Variants in GLIS3 observed in about 807,000 individuals in gnomAD.
GLIS3 encodes the protein zinc finger protein GLIS3.
A neutral mutation model predicts 78.6 loss-of-function variants in GLIS3; 53 were observed. The ratio of observed to expected loss-of-function variants is 0.67; its 90% CI spans 0.54 to 0.85. The LOEUF (loss-of-function observed/expected upper bound fraction) is 0.85. GLIS3 is among the 40% of genes least tolerant of loss of function. GLIS3 has a pLI of 0.00. For missense variants in GLIS3, 1,703 were observed against 1,231.1 expected, an observed-to-expected ratio of 1.38 and a Z score of -5.74; for synonymous variants, 684 against 509.9, an observed-to-expected ratio of 1.34 and a Z score of -4.60.
At chr9:3,937,366 A>G (rs948450594) in intron 4 of GLIS3, among the ~76,000 whole-genome samples, 177 bp from the exon 5 acceptor site, 4 of 152,128 alleles carry the variant, frequency 2.6e-5, no homozygotes, top group African/African-American at 9.7e-5. Context: ...TGTGAACTGC[A>G]TTTTTCCACT....
the GLIS3 span, among the ~76,000 whole-genome samples, chr9:4,401,384 C>A: frequency 2.7e-5 from 4 of 149,622 alleles, no homozygotes; most frequent in African/African-American, 9.9e-5. Flanking sequence ...CTCAGCCTCC[C>A]GATTAGCTGG....
chr9:4,378,417 T>A, the GLIS3 span, among the ~76,000 whole-genome samples: 2 of 152,094 alleles, frequency 1.3e-5, no homozygotes, highest in African/African-American at 4.8e-5. Context: ...CATGTTTTTG[T>A]TTGTTTATAT....
At chr9:4,194,287 T>C (rs564302463) in intron 2 of GLIS3, among the ~76,000 whole-genome samples, 3 of 152,174 alleles carry the variant, frequency 2.0e-5, no homozygotes, top group South Asian at 2.1e-4. Context: ...CTCAAACTCC[T>C]GAGCTCAGGC....
chr9:4,341,513 T>C (rs1476402686), intron 2 of GLIS3, among the ~76,000 whole-genome samples: 1 of 152,224 alleles, frequency 6.6e-6, no homozygotes, highest in Non-Finnish European at 1.5e-5. Context: ...TATCATTTTT[T>C]CTCCCACTCT....
At chr9:4,199,305 C>G (rs995643695) in intron 2 of GLIS3, among the ~76,000 whole-genome samples, 23 of 152,080 alleles carry the variant, frequency 1.5e-4, no homozygotes, top group African/African-American at 5.6e-4. Flanking sequence ...TATCTCCTGT[C>G]TTCAAGAGAC....
chr9:4,245,827 G>T (rs181585197), intron 2 of GLIS3, among the ~76,000 whole-genome samples: 121 of 152,278 alleles, frequency 7.9e-4, no homozygotes, highest in African/African-American at 2.7e-3. Flanking sequence ...TTGATGCAAG[G>T]TTGGCCTGAA....
chr9:4,291,448 T>G (rs1815967043), intron 1 of GLIS3, among the ~76,000 whole-genome samples: 1 of 152,150 alleles, frequency 6.6e-6, no homozygotes, highest in Non-Finnish European at 1.5e-5. Context: ...ACTTTTCATT[T>G]TTATATTTTA....
chr9:4,181,643 C>G (rs1309598071), intron 2 of GLIS3, among the ~76,000 whole-genome samples: 1 of 152,252 alleles, frequency 6.6e-6, no homozygotes, highest in African/African-American at 2.4e-5. Context: ...ATTCCTCACA[C>G]TGAGAGGTGG....
chr9:4,292,794 A>C (rs1816134908), intron 1 of GLIS3, among the ~76,000 whole-genome samples: 1 of 152,342 alleles, frequency 6.6e-6, no homozygotes, highest in Non-Finnish European at 1.5e-5. Context: ...TACACTGCTA[A>C]AGTGGGTAAA....
intron 4 of GLIS3, among the ~76,000 whole-genome samples, chr9:3,946,619 A>T (rs577897764): frequency 2.2e-4 from 33 of 152,206 alleles, no homozygotes; most frequent in Non-Finnish European, 3.8e-4. Context: ...TATTTTTGTG[A>T]ATGTGATGCA....
chr9:4,459,316 T>C, the GLIS3 span, among the ~76,000 whole-genome samples: 1 of 152,132 alleles, frequency 6.6e-6, no homozygotes, highest in Non-Finnish European at 1.5e-5. Flanking sequence ...CCAAGGTAGA[T>C]AGAGGATACA....
At chr9:3,973,786 G>C (rs1313742408) in intron 4 of GLIS3, among the ~76,000 whole-genome samples, 1 of 152,040 alleles carries the variant, frequency 6.6e-6, no homozygotes, top group Non-Finnish European at 1.5e-5. Context: ...GAATCACAGA[G>C]AAAGAGCTTG....
chr9:3,881,645 A>G (rs906225957), intron 7 of GLIS3, among the ~76,000 whole-genome samples: 5 of 152,156 alleles, frequency 3.3e-5, no homozygotes, highest in Non-Finnish European at 7.3e-5. Context: ...CAGCCAGGAA[A>G]AACCATCCAT....
intron 4 of GLIS3, among the ~76,000 whole-genome samples, chr9:4,108,018 G>A (rs1000618757): frequency 1.3e-5 from 2 of 152,114 alleles, no homozygotes; most frequent in African/African-American, 4.8e-5. Flanking sequence ...CACGTGCTAT[G>A]GTTAGGACTC....
At chr9:3,891,314 G>A (rs905239009) in intron 7 of GLIS3, among the ~76,000 whole-genome samples, 2 of 152,150 alleles carry the variant, frequency 1.3e-5, no homozygotes, top group South Asian at 4.1e-4. Flanking sequence ...GTTACAGGAA[G>A]AAGTGTCATT....
chr9:4,420,160 G>A, the GLIS3 span, among the ~76,000 whole-genome samples: 14 of 152,274 alleles, frequency 9.2e-5, no homozygotes, highest in South Asian at 2.3e-3. Context: ...ATTCTAATGG[G>A]CAACCAAAAT....
upstream of GLIS3, among the ~76,000 whole-genome samples, chr9:4,351,777 G>A (rs1279191523): frequency 1.3e-5 from 2 of 151,994 alleles, no homozygotes; most frequent in East Asian, 3.8e-4. Context: ...TAGTTTCTAA[G>A]CCTCTTCAAA....
chr9:4,250,179 G>C (rs1056330048), intron 2 of GLIS3, among the ~76,000 whole-genome samples: 1 of 152,214 alleles, frequency 6.6e-6, no homozygotes, highest in Non-Finnish European at 1.5e-5. Flanking sequence ...GTTTGGAATA[G>C]TTTCAGAAGG....
the GLIS3 span, among the ~76,000 whole-genome samples, chr9:4,465,895 G>A: frequency 6.6e-6 from 1 of 152,214 alleles, no homozygotes; most frequent in Admixed American, 6.5e-5. Context: ...AGCATTAAGT[G>A]CATTTGAAGT....
Sources: allele counts gnomAD v4.1 joint callset (sites outside exome capture counted in the v4.1 genomes callset), GRCh38; gene constraint gnomAD v4.1.1; transcripts MANE v1.5; gene names NCBI Gene and HGNC (gene_info 2026-07-23, HGNC 2026-07-21).